Variants in TENM2 observed in about 807,000 individuals in gnomAD.
TENM2 encodes teneurin-2.
Under a neutral mutation model 245.2 loss-of-function variants are expected in TENM2, and 52 were observed. The observed-to-expected ratio is 0.21, with a 90% CI of 0.17 to 0.27. The LOEUF (loss-of-function observed/expected upper bound fraction) is 0.27. Ranked by LOEUF, TENM2 falls within the 10% of genes least tolerant of loss-of-function variation. TENM2 has a pLI of 1.00. For missense variants in TENM2, 3,046 were observed against 3,666.8 expected (o/e 0.83, Z 4.37); for synonymous variants, 1,363 against 1,438.9 (o/e 0.95, Z 1.19).
chr5:167,927,820 T>G (rs1777877869), intron 3 of TENM2, among the ~76,000 whole-genome samples: 1 of 151,964 alleles, frequency 6.6e-6, no homozygotes, highest in Non-Finnish European at 1.5e-5. Context: ...CACCCTTGAG[T>G]CTCCATTTCT....
At chr5:167,505,854 C>A in intron 2 of TENM2, among the ~76,000 whole-genome samples, 1 of 151,974 alleles carries the variant, frequency 6.6e-6, no homozygotes, top group Admixed American at 6.6e-5. Context: ...ATTGTCATGA[C>A]CTTGGATGAA....
At chr5:168,013,873 A>T (rs1562052079) in intron 5 of TENM2, among the ~76,000 whole-genome samples, 1 of 152,200 alleles carries the variant, frequency 6.6e-6, no homozygotes. Flanking sequence ...AAGCACTAGG[A>T]AAGGGTCTGT....
chr5:167,140,485 G>A, the TENM2 span, among the ~76,000 whole-genome samples: 6 of 151,918 alleles, frequency 3.9e-5, no homozygotes, highest in African/African-American at 1.2e-4. Flanking sequence ...AATACCTGCC[G>A]CTCACAACCA....
intron 2 of TENM2, among the ~76,000 whole-genome samples, chr5:167,475,939 A>G (rs1328995065): frequency 3.9e-5 from 6 of 152,236 alleles, no homozygotes; most frequent in African/African-American, 1.4e-4. Context: ...TGTATTGTAA[A>G]TAGTGCTGAA....
chr5:167,062,264 C>T, the TENM2 span, among the ~76,000 whole-genome samples: 4 of 151,878 alleles, frequency 2.6e-5, no homozygotes, highest in African/African-American at 9.7e-5. Flanking sequence ...AGTTGAATAT[C>T]GCTTGGATTG....
the TENM2 span, among the ~76,000 whole-genome samples, chr5:167,026,005 C>T: frequency 6.6e-6 from 1 of 152,178 alleles, no homozygotes; most frequent in Non-Finnish European, 1.5e-5. Flanking sequence ...TTCCTTTCAT[C>T]CCTATCCTTT....
intron 9 of TENM2, among the ~76,000 whole-genome samples, chr5:168,100,860 A>T (rs894790798): frequency 6.6e-6 from 1 of 151,824 alleles, no homozygotes; most frequent in Non-Finnish European, 1.5e-5. Context: ...GCAGCAAACC[A>T]TATGTATACC....
chr5:167,995,786 C>T (rs900173912), intron 5 of TENM2, among the ~76,000 whole-genome samples: 24 of 152,192 alleles, frequency 1.6e-4, no homozygotes, highest in Admixed American at 8.5e-4. Context: ...TATATTATTA[C>T]TTACAGAGCT....
intron 2 of TENM2, among the ~76,000 whole-genome samples, chr5:167,616,831 TG>T (rs1006715844): frequency 6.6e-6 from 1 of 152,132 alleles, no homozygotes; most frequent in Non-Finnish European, 1.5e-5. Context: ...CAGTTACATT[TG>T]TTTTTTTTAA....
chr5:167,064,372 T>A, the TENM2 span, among the ~76,000 whole-genome samples: 1 of 152,206 alleles, frequency 6.6e-6, no homozygotes, highest in African/African-American at 2.4e-5. Context: ...GGGAAGCAGC[T>A]TGTAAGCATA....
At chr5:167,222,785 T>C in the TENM2 span, among the ~76,000 whole-genome samples, 4 of 152,224 alleles carry the variant, frequency 2.6e-5, no homozygotes, top group East Asian at 7.7e-4. Flanking sequence ...TTCAATTTCC[T>C]ACAATTGTTT....
intron 2 of TENM2, among the ~76,000 whole-genome samples, chr5:167,630,495 C>A (rs1379021917): frequency 6.6e-6 from 1 of 152,106 alleles, no homozygotes; most frequent in Non-Finnish European, 1.5e-5. Context: ...TCGAATTTTT[C>A]ATTTAGTATT....
the TENM2 span, among the ~76,000 whole-genome samples, chr5:167,160,891 A>C: frequency 6.6e-6 from 1 of 152,206 alleles, no homozygotes; most frequent in African/African-American, 2.4e-5. Context: ...AATGAGGTTC[A>C]GAGAGGCTAG....
intron 25 of TENM2, among the ~76,000 whole-genome samples, chr5:168,240,548 A>G (rs1323685316): frequency 6.6e-6 from 1 of 152,170 alleles, no homozygotes; most frequent in Non-Finnish European, 1.5e-5. Context: ...AAATTAGACA[A>G]AACAAGGGCA....
chr5:168,149,980 T>A (rs888879463), intron 12 of TENM2, among the ~76,000 whole-genome samples: 3 of 152,172 alleles, frequency 2.0e-5, no homozygotes, highest in Non-Finnish European at 2.9e-5. Flanking sequence ...AAACAACTTA[T>A]CATCAGGGGC....
At chr5:167,076,791 C>G in the TENM2 span, among the ~76,000 whole-genome samples, 2 of 152,034 alleles carry the variant, frequency 1.3e-5, no homozygotes, top group Non-Finnish European at 2.9e-5. Flanking sequence ...ATAGAAACAC[C>G]CTTTAATACT....
intron 3 of TENM2, among the ~76,000 whole-genome samples, chr5:167,909,807 CTT>C (rs1459055051): frequency 6.6e-6 from 1 of 151,840 alleles, no homozygotes; most frequent in Non-Finnish European, 1.5e-5. Flanking sequence ...ATAGAACAGA[CTT>C]ATCTCATGGA....
At chr5:168,092,433 G>A (rs1472183388) in intron 8 of TENM2, among the ~76,000 whole-genome samples, 1 of 152,182 alleles carries the variant, frequency 6.6e-6, no homozygotes. Flanking sequence ...CACTGTCATG[G>A]CAGAGTTGAG....
the TENM2 span, among the ~76,000 whole-genome samples, chr5:167,036,482 A>T: frequency 6.6e-6 from 1 of 152,226 alleles, no homozygotes; most frequent in African/African-American, 2.4e-5. Flanking sequence ...TTGTCACCCA[A>T]TACAACAATT....
Sources: allele counts gnomAD v4.1 joint callset (sites outside exome capture counted in the v4.1 genomes callset), GRCh38; gene constraint gnomAD v4.1.1; transcripts MANE v1.5; gene names NCBI Gene and HGNC (gene_info 2026-07-23, HGNC 2026-07-21).